PCDHGA10: variants seen among roughly 807,000 people sequenced by gnomAD.
The protein encoded by PCDHGA10 is protocadherin gamma subfamily A, 10.
PCDHGA10 carries 42 observed loss-of-function variants against 59.5 expected under a neutral mutation model. The observed-to-expected ratio is 0.71, with a 90% CI of 0.55 to 0.91. The LOEUF is 0.91. PCDHGA10 is among the 40% of genes least tolerant of loss of function. The pLI is 0.00. For synonymous variants in PCDHGA10, 511 were observed against 517.2 expected (o/e 0.99, Z 0.16); for missense variants, 1,111 against 1,198.2 (o/e 0.93, Z 1.07).
chr5:141,478,026 C>T (rs1192406949), intron 1 of PCDHGA10: 2 of 1,614,062 alleles, frequency 1.2e-6, no homozygotes, highest in East Asian at 2.2e-5. Flanking sequence ...GTCCAAGACA[C>T]AGATTCACCC....
At chr5:141,462,627 A>T (rs1200455153) in intron 1 of PCDHGA10, among the ~76,000 whole-genome samples, 1 of 150,276 alleles carries the variant, frequency 6.7e-6, no homozygotes, top group East Asian at 1.9e-4. Flanking sequence ...TAGAAGTTCC[A>T]TTTGACTCTT....
rs371807105 is a variant in PCDHGA10 at position 141,476,586 on chromosome 5, A to G, written c.2437-18221A>G. ...GCTCCGGGGACGCGCTTTCCGCTCG[A>G]GAGCGCGCACGATCCCGATGTGGGA... is the stretch of plus-strand genomic sequence containing the variant. On this transcript the variant is annotated intron_variant, in intron 1 of 3. Coordinates refer to ENST00000398610, the MANE Select transcript of PCDHGA10 (RefSeq NM_018913.3). This position sits in a 1 kb window ranked among gnomAD's most constrained non-coding sequence, Gnocchi z 7.6. The G allele has an allele frequency of 6.2e-7, 1 of 1,614,222 alleles. No homozygotes were observed. The highest frequency in any genetic ancestry group is 8.5e-7 in the Non-Finnish European group (1 of 1,180,032).
rs1199756501 is a variant in PCDHGA10 at position 141,493,222 on chromosome 5, C to A, written c.2437-1585C>A. Among the ~76,000 whole-genome samples the A allele has an allele frequency of 6.6e-6, 1 of 152,194 alleles. No individual in the cohort carries two copies. Among genetic ancestry groups the A allele is most frequent in the East Asian group, 1.9e-4 (1 of 5,196 alleles). ...ACCTCATCTCATTTGCTCTTCCCAC[C>A]ATTGCTGTTGGCTAGGTACTAACAT... On this transcript the variant is annotated intron_variant, in intron 1 of 3. Coordinates refer to ENST00000398610, the MANE Select transcript of PCDHGA10 (RefSeq NM_018913.3). This position sits in a 1 kb window ranked among gnomAD's most constrained non-coding sequence, Gnocchi z 4.3.
rs749415234 is a variant in PCDHGA10, at chr5:141,419,462, C to A, written c.2436+3851C>A. On this transcript the variant is annotated intron_variant, in intron 1 of 3. Transcript: ENST00000398610. Reference sequence around the variant, plus strand: ...CACCTTCGAGCTCACGCTGCAGGCCCGCGACCAGGGCTCGCCCGCGCTCAG... The same window carrying A: ...CACCTTCGAGCTCACGCTGCAGGCCAGCGACCAGGGCTCGCCCGCGCTCAG... 2.5e-6 allele frequency: 4 copies of A among 1,612,582 alleles called. No homozygotes were observed. In the Admixed American group the frequency reaches 6.7e-5, roughly 27 times the overall value.
Position 141,457,874 on chromosome 5 carries a change from G to A in PCDHGA10, c.2437-36933G>A, listed in dbSNP as rs1592531610. Among the ~76,000 whole-genome samples, 7 of 152,320 alleles carry A rather than the reference G, an allele frequency of 4.6e-5. No homozygotes were observed. In the South Asian group the frequency reaches 1.5e-3, roughly 32 times the overall value. On this transcript the variant is annotated intron_variant, in intron 1 of 3. Transcript: ENST00000398610. ...ACATTCTTCACTGACCACAGGTTAGGAACCCTGTGTGGGGACTGTGTAGAC... is the reference window on the plus strand; with the variant it reads ...ACATTCTTCACTGACCACAGGTTAGAAACCCTGTGTGGGGACTGTGTAGAC...
At chr5:141,492,673 C>T (rs2099743035) in intron 1 of PCDHGA10, among the ~76,000 whole-genome samples, 1 of 152,250 alleles carries the variant, frequency 6.6e-6, no homozygotes, top group Non-Finnish European at 1.5e-5. Flanking sequence ...GGGACTCCGT[C>T]TCAAGGGTCG....
At chr5:141,481,191 C>A (rs1244434918) in intron 1 of PCDHGA10, among the ~76,000 whole-genome samples, 1 of 152,148 alleles carries the variant, frequency 6.6e-6, no homozygotes, top group Non-Finnish European at 1.5e-5. Context: ...GGGCCAGGCC[C>A]AATTTTTTTA....
chr5:141,490,910 A>G lies in PCDHGA10; in HGVS notation c.2437-3897A>G. The G allele has an allele frequency of 1.2e-6, 2 of 1,613,652 alleles. No individual in the cohort carries two copies. Among genetic ancestry groups the G allele is most frequent in the African/African-American group, 1.3e-5 (1 of 75,048 alleles). ...TCTCTGCATGTGTTTGTCCTAGACG[A>G]GAATGATAATGCCCCAGCTGTGCTG... On this transcript the variant is annotated intron_variant, in intron 1 of 3. Transcript: ENST00000398610. This position sits in a 1 kb window ranked among gnomAD's most constrained non-coding sequence, Gnocchi z 5.4.
intron 1 of PCDHGA10, among the ~76,000 whole-genome samples, chr5:141,484,797 G>C (rs1228143036): frequency 6.6e-6 from 1 of 152,064 alleles, no homozygotes; most frequent in Non-Finnish European, 1.5e-5. Flanking sequence ...ATAACAACCC[G>C]TGGAAAAACA....
rs1330257915 is a variant in PCDHGA10 at position 141,486,153 on chromosome 5, C to T, written c.2437-8654C>T. Reference sequence around the variant, plus strand: ...GATGTGCGGGCTCGCGATGGGGGTTCTCCAGCCATGGAGCAACATTGCAGC... The same window carrying T: ...GATGTGCGGGCTCGCGATGGGGGTTTTCCAGCCATGGAGCAACATTGCAGC... On this transcript the variant is annotated intron_variant, in intron 1 of 3. Transcript: ENST00000398610. This position sits in a 1 kb window ranked among gnomAD's most constrained non-coding sequence, Gnocchi z 5.0. 1 of 1,614,084 alleles carries T rather than the reference C, an allele frequency of 6.2e-7. No homozygotes were observed. Among genetic ancestry groups the T allele is most frequent in the Non-Finnish European group, 8.5e-7 (1 of 1,180,036 alleles).
intron 1 of PCDHGA10, among the ~76,000 whole-genome samples, chr5:141,473,107 C>A (rs2099314182): frequency 6.6e-6 from 1 of 152,134 alleles, no homozygotes; most frequent in Admixed American, 6.5e-5. Flanking sequence ...TATTACCACA[C>A]TTTACTTGGC....
At chr5:141,484,621 T>C (rs2099598239) in intron 1 of PCDHGA10, among the ~76,000 whole-genome samples, 1 of 152,058 alleles carries the variant, frequency 6.6e-6, no homozygotes, top group Admixed American at 6.6e-5. Flanking sequence ...CAACACTGGC[T>C]TGAACAAAGT....
intron 1 of PCDHGA10, chr5:141,417,227 T>G (rs2096097098): frequency 6.6e-6 from 1 of 152,172 alleles, no homozygotes; most frequent in South Asian, 2.1e-4. Flanking sequence ...ACAAAAAAAT[T>G]TGTTGCTTAT....
At chr5:141,447,263 C>A (rs953578064) in intron 1 of PCDHGA10, among the ~76,000 whole-genome samples, 1 of 152,116 alleles carries the variant, frequency 6.6e-6, no homozygotes, top group Non-Finnish European at 1.5e-5. Context: ...TCTCAGCCTC[C>A]CAAGTAGCTG....
At chr5:141,458,735 A>G (rs2098952642) in intron 1 of PCDHGA10, among the ~76,000 whole-genome samples, 1 of 148,560 alleles carries the variant, frequency 6.7e-6, no homozygotes, top group East Asian at 2.0e-4. Context: ...ACATCCAGCT[A>G]TTGGTTTTGG....
intron 1 of PCDHGA10, chr5:141,419,864 C>A (rs1282571542): frequency 6.2e-7 from 1 of 1,613,966 alleles, no homozygotes; most frequent in Non-Finnish European, 8.5e-7. Context: ...AGATAGCTTG[C>A]AAGAGGTACT....
chr5:141,477,427 C>T lies in PCDHGA10; in HGVS notation c.2437-17380C>T. On this transcript the variant is annotated intron_variant, in intron 1 of 3. Coordinates refer to ENST00000398610, the MANE Select transcript of PCDHGA10 (RefSeq NM_018913.3). The surrounding 1 kb of genome is among the most constrained non-coding windows in gnomAD (Gnocchi z 4.9). ...CCCGAGACGCCGGAACCCCTTCCCT[C>T]TCAGCCCTTACAATAGTGCGTGTTC... The T allele has an allele frequency of 6.2e-7, 1 of 1,614,220 alleles. No homozygotes were observed. The highest frequency in any genetic ancestry group is 8.5e-7 in the Non-Finnish European group (1 of 1,180,046).
intron 2 of PCDHGA10, among the ~76,000 whole-genome samples, chr5:141,501,728 C>A (rs1284130771): frequency 1.3e-5 from 2 of 152,134 alleles, no homozygotes; most frequent in East Asian, 1.9e-4. Flanking sequence ...ATATATTACC[C>A]AGTCAGCTTA....
At chr5:141,503,555 C>T (rs1010409481) in intron 2 of PCDHGA10, among the ~76,000 whole-genome samples, 2 of 148,816 alleles carry the variant, frequency 1.3e-5, no homozygotes, top group African/African-American at 5.0e-5. Context: ...GCCGAGATCG[C>T]GCCACTGTAC....
Sources: gnomAD v4.1 joint callset for allele counts (sites outside exome capture counted in the v4.1 genomes callset) on GRCh38, gnomAD v4.1.1 for gene constraint, Gnocchi (gnomAD v3.1) non-coding constraint, MANE v1.5 for transcripts, NCBI Gene and HGNC (gene_info 2026-07-23, HGNC 2026-07-21) for gene names.